Variants in CRY2 observed in about 807,000 individuals in gnomAD.
CRY2 encodes cryptochrome circadian regulator 2.
CRY2 carries 31 observed loss-of-function variants against 69.5 expected under a neutral mutation model. The observed-to-expected ratio is 0.45, with a 90% CI of 0.34 to 0.60. The LOEUF (loss-of-function observed/expected upper bound fraction) is 0.60. Among genes scored for constraint, CRY2 ranks in the 20% least tolerant of loss-of-function variants. The probability of loss-of-function intolerance (pLI) is 0.02; values close to 1 mark genes in which losing one functional copy is unlikely to be tolerated. For synonymous variants in CRY2, 303 were observed against 312.2 expected (o/e 0.97, Z 0.31); for missense variants, 606 against 797.8 (o/e 0.76, Z 2.90).
At chr11:45,848,440 G>A (rs892899523) in intron 1 of CRY2, among the ~76,000 whole-genome samples, 2 of 150,880 alleles carry the variant, frequency 1.3e-5, no homozygotes, top group East Asian at 2.0e-4. Flanking sequence ...GTGTCACCCC[G>A]TCATCCTCTT....
chr11:45,847,273 C>A, upstream of CRY2: 1 of 1,551,582 alleles, frequency 6.4e-7, no homozygotes, highest in Non-Finnish European at 8.7e-7. Flanking sequence ...CCGGGCGGAC[C>A]CACACATGGT....
chr11:45,853,102 A>T (rs926267155), intron 1 of CRY2, among the ~76,000 whole-genome samples: 1 of 152,224 alleles, frequency 6.6e-6, no homozygotes, highest in African/African-American at 2.4e-5. Flanking sequence ...CTAGGTTTGA[A>T]TTCTGGCCAC....
chr11:45,847,718 G>C lies in CRY2; in HGVS notation c.215+13G>C. The C allele has an allele frequency of 6.5e-7, 1 of 1,545,796 alleles. No homozygotes were observed. The highest frequency in any genetic ancestry group is 8.7e-7 in the Non-Finnish European group (1 of 1,144,012). ...TCAACCGATGGAGGTGAGGGGACCC[G>C]GGGCTGGGTGGCGGGGACGCAGCCA... On this transcript the variant is annotated intron_variant, in intron 1 of 11. Coordinates refer to ENST00000616080, the MANE Select transcript of CRY2 (RefSeq NM_021117.5).
At chr11:45,852,872 T>C (rs1386000873) in intron 1 of CRY2, among the ~76,000 whole-genome samples, 1 of 152,226 alleles carries the variant, frequency 6.6e-6, no homozygotes, top group Non-Finnish European at 1.5e-5. Flanking sequence ...GAGCCTGAGA[T>C]TCTGCATTTC....
intron 1 of CRY2, among the ~76,000 whole-genome samples, chr11:45,851,274 C>A (rs1387019581): frequency 6.6e-6 from 1 of 152,100 alleles, no homozygotes; most frequent in Non-Finnish European, 1.5e-5. Flanking sequence ...TCATTTTGTC[C>A]CTGGCTCTGT....
intron 5 of CRY2, among the ~76,000 whole-genome samples, chr11:45,863,403 A>G (rs1050981743): frequency 6.6e-6 from 1 of 152,068 alleles, no homozygotes; most frequent in East Asian, 1.9e-4. Context: ...CCTTTTCCAC[A>G]TACCCCCAGA....
At chr11:45,869,981 G>A (rs954844882) in intron 7 of CRY2, 72 bp from the exon 8 acceptor site, 33 of 1,532,460 alleles carry the variant, frequency 2.2e-5, no homozygotes, top group Non-Finnish European at 2.6e-5. Context: ...GCTCCTGGGG[G>A]CACTGTGGTG....
At chr11:45,869,120 G>C (rs2086353990) in intron 6 of CRY2, among the ~76,000 whole-genome samples, 1 of 152,202 alleles carries the variant, frequency 6.6e-6, no homozygotes, top group Non-Finnish European at 1.5e-5. Flanking sequence ...CCAAAATCTA[G>C]ACTGAGCATT....
chr11:45,874,785 A>G (rs367893520), intron 11 of CRY2, among the ~76,000 whole-genome samples: 3 of 152,234 alleles, frequency 2.0e-5, no homozygotes, highest in South Asian at 4.2e-4. Flanking sequence ...TTTACTAAAA[A>G]TACAAAAATT....
intron 10 of CRY2, among the ~76,000 whole-genome samples, chr11:45,871,144 A>G (rs2086378517): frequency 6.6e-6 from 1 of 152,018 alleles, no homozygotes; most frequent in African/African-American, 2.4e-5. Flanking sequence ...GGGACTGGGA[A>G]AGAAGGATTT....
intron 1 of CRY2, among the ~76,000 whole-genome samples, chr11:45,854,645 C>T (rs577561214): frequency 5.9e-5 from 9 of 152,198 alleles, no homozygotes; most frequent in Admixed American, 1.3e-4. Context: ...GCCGAGATTA[C>T]GCCACTGCAC....
intron 5 of CRY2, among the ~76,000 whole-genome samples, chr11:45,866,760 AGAG>A (rs1331115994): frequency 6.6e-6 from 1 of 152,146 alleles, no homozygotes; most frequent in African/African-American, 2.4e-5. Flanking sequence ...AGTATCATGG[AGAG>A]GAGGAGAGGA....
At position 45,867,683 on chromosome 11, in the gene CRY2, C is replaced by G. The variant is rs1181298363; in HGVS notation, c.813C>G (p.Ser271Arg). 1.8e-5 allele frequency: 29 copies of G among 1,614,088 alleles called. No homozygotes were observed. The highest frequency in any genetic ancestry group is 2.4e-5 in the Non-Finnish European group (28 of 1,180,032). ...TCCTGGCCAGCCCCACAGGCCTCAG[C>G]CCCTACCTGCGCTTTGGTTGTCTCT... The part of the protein sequence containing the change: ...NSLLASPTGL[S>R]PYLRFGCLSC... Residue 271 changes from serine to arginine, a missense_variant, in exon 6 of 12, where the codon AGC becomes AGG. Physicochemically the swap from Ser to Arg is moderately radical, Grantham distance 110. Around this residue, in one of 5 missense-constraint regions of CRY2, gnomAD observed 382 missense variants for 508.9 expected, o/e 0.75. Transcript: ENST00000616080.
At chr11:45,872,598 A>G (rs1358097983) in intron 11 of CRY2, among the ~76,000 whole-genome samples, 1 of 152,008 alleles carries the variant, frequency 6.6e-6, no homozygotes, top group Non-Finnish European at 1.5e-5. Context: ...TAATAATAAT[A>G]ATAATAATAA....
At chr11:45,847,740 G>C in intron 1 of CRY2, 35 bp downstream of exon 1, 2 of 1,519,856 alleles carry the variant, frequency 1.3e-6, no homozygotes, top group Non-Finnish European at 1.8e-6. Context: ...CGGGGACGCA[G>C]CCAGGACCCT....
chr11:45,872,207 A>G lies in CRY2; in HGVS notation c.1758A>G (p.Pro586=). ...CCCGGGTGGCAGAGTTGCCAACCCC[A>G]GAGCTGCCGAGCAAGGATGCCTGAG... The part of the protein sequence containing the change: ...KRARVAELPT[P]ELPSKDA The change falls in exon 11 of 12, where the codon CCA becomes CCG. Residue 586 remains proline, a synonymous_variant. Transcript: ENST00000616080. 5 of 1,614,152 alleles carry G rather than the reference A, an allele frequency of 3.1e-6. No homozygotes were observed. The South Asian group carries it at 5.5e-5, about 18-fold the overall frequency.
chr11:45,850,220 G>A (rs1294365519), intron 1 of CRY2, among the ~76,000 whole-genome samples: 1 of 151,844 alleles, frequency 6.6e-6, no homozygotes, highest in Non-Finnish European at 1.5e-5. Flanking sequence ...TGTTCTCCAG[G>A]CTGGTCTTGA....
upstream of CRY2, chr11:45,847,390 A>AG: frequency 6.3e-7 from 1 of 1,593,398 alleles, no homozygotes; most frequent in Non-Finnish European, 8.5e-7. Context: ...GCGGGGACTA[A>AG]GGGTGGAGTT....
chr11:45,847,486 C>G lies in CRY2; in HGVS notation c.-5C>G. ...GCGGGGGTGGCTGGAGCAGTCTGGA[C>G]AGTCATGGCGGCGACTGTGGCGACG... On this transcript the variant is annotated 5_prime_UTR_variant, in exon 1 of 12. Transcript: ENST00000616080. 5 of 1,600,350 alleles carry G rather than the reference C, an allele frequency of 3.1e-6. No homozygotes were observed. In the African/African-American group the frequency reaches 4.0e-5, roughly 13 times the overall value.
Sources: allele counts gnomAD v4.1 joint callset (sites outside exome capture counted in the v4.1 genomes callset), GRCh38; gene constraint gnomAD v4.1.1; regional missense constraint gnomAD v4.1.1; transcripts MANE v1.5; gene names NCBI Gene and HGNC (gene_info 2026-07-23, HGNC 2026-07-21).